SWT1: variants seen among roughly 807,000 people sequenced by gnomAD.
SWT1 encodes the protein transcriptional protein SWT1.
Under a neutral mutation model 107.3 loss-of-function variants are expected in SWT1, and 33 were observed. The observed-to-expected ratio is 0.31, with a 90% CI of 0.23 to 0.41. The LOEUF (loss-of-function observed/expected upper bound fraction) is 0.41, where lower values mean the gene tolerates loss of function less well. Ranked by LOEUF, SWT1 falls within the 10% of genes least tolerant of loss-of-function variation. The pLI is 1.00. For missense variants in SWT1, 898 were observed against 1,028.9 expected (o/e 0.87, Z 1.74); for synonymous variants, 345 against 348.3 (o/e 0.99, Z 0.11).
chr1:185,245,838 G>A (rs1311776951), intron 16 of SWT1, among the ~76,000 whole-genome samples: 1 of 150,928 alleles, frequency 6.6e-6, no homozygotes, highest in African/African-American at 2.4e-5. Flanking sequence ...GTGTGATCTC[G>A]GCTCACTGCA....
chr1:185,280,484 C>T (rs1483259812), intron 18 of SWT1, among the ~76,000 whole-genome samples: 1 of 152,096 alleles, frequency 6.6e-6, no homozygotes, highest in Non-Finnish European at 1.5e-5. Flanking sequence ...GGTTTCCTGA[C>T]ACAGAGCTCC....
intron 14 of SWT1, among the ~76,000 whole-genome samples, chr1:185,217,017 T>G (rs117439521): frequency 6.6e-6 from 1 of 151,804 alleles, no homozygotes; most frequent in South Asian, 2.1e-4. Context: ...TTATTTCTGG[T>G]TCTTAAGTTT....
chr1:185,161,559 G>A (rs537507252), intron 2 of SWT1, among the ~76,000 whole-genome samples: 154 of 151,946 alleles, frequency 1.0e-3, no homozygotes, highest in Non-Finnish European at 1.5e-3. Context: ...AAAGCCAGAC[G>A]TGATGGTGTG....
chr1:185,276,792 T>C, intron 18 of SWT1, 124 bp downstream of exon 18: 1 of 438,254 alleles, frequency 2.3e-6, no homozygotes, highest in Non-Finnish European at 4.2e-6. Flanking sequence ...TGTTTTTTTT[T>C]ACCTTACTAA....
chr1:185,236,935 A>G (rs1436848541), intron 16 of SWT1, among the ~76,000 whole-genome samples: 2 of 152,274 alleles, frequency 1.3e-5, no homozygotes, highest in African/African-American at 4.8e-5. Context: ...GAAGACATTT[A>G]TGCAGCCAAC....
intron 18 of SWT1, chr1:185,281,017 G>A: frequency 3.0e-6 from 1 of 333,418 alleles, no homozygotes; most frequent in Non-Finnish European, 6.0e-6. Flanking sequence ...CCCTTTTTAT[G>A]ATGATGACTA....
At chr1:185,221,738 T>C in intron 14 of SWT1, 111 bp from the exon 15 acceptor site, 3 of 656,934 alleles carry the variant, frequency 4.6e-6, no homozygotes, top group Non-Finnish European at 7.4e-6. Context: ...AGAAAAAGAA[T>C]TGCCACCACT....
Position 185,168,287 on chromosome 1 carries a change from A to G in SWT1, c.166-53A>G, listed in dbSNP as rs1042921999. 18 of 1,113,212 alleles carry G rather than the reference A, an allele frequency of 1.6e-5. 1 individual carries two copies. The highest frequency in any genetic ancestry group is 2.1e-5 in the Non-Finnish European group (17 of 822,392). The allele number at this position is 1,113,212 out of a possible 1,614,324, so 69.0% of individuals were successfully genotyped here. A position where few individuals can be genotyped will look rare whatever the true frequency, so the allele number is the denominator to read the frequency against. Reference sequence around the variant, plus strand: ...GCCTATTCACTATCATAAACTGTGGAAAAAAATATGTACCAGTGCACAATT... The same window carrying G: ...GCCTATTCACTATCATAAACTGTGGGAAAAAATATGTACCAGTGCACAATT... On this transcript the variant is annotated intron_variant, in intron 3 of 18. Transcript: ENST00000367500.
At chr1:185,165,203 C>T (rs866842950) in intron 2 of SWT1, among the ~76,000 whole-genome samples, 35 of 152,188 alleles carry the variant, frequency 2.3e-4, no homozygotes, top group African/African-American at 6.0e-4. Context: ...CAGTCTGTGG[C>T]GCCCCAAAGC....
In SWT1 at chr1:185,169,658, C is replaced by T. The variant is rs570870504; in HGVS notation, c.224+1260C>T. Among the ~76,000 whole-genome samples the T allele has an allele frequency of 2.6e-5, 4 of 152,022 alleles. No homozygotes were observed. In the South Asian group the frequency reaches 6.2e-4, roughly 24 times the overall value. ...CTGTATTCCCAGCACTTTGGGAGGC[C>T]GAGGTGGGAGGAAGGCTTGAGGCCA... is the stretch of plus-strand genomic sequence containing the variant. On this transcript the variant is annotated intron_variant, in intron 4 of 18. Transcript: ENST00000367500.
At chr1:185,170,195 T>C (rs929195930) in intron 4 of SWT1, among the ~76,000 whole-genome samples, 1 of 152,344 alleles carries the variant, frequency 6.6e-6, no homozygotes, top group Admixed American at 6.5e-5. Flanking sequence ...AGGCAAGCTC[T>C]TTTAAAAACC....
At chr1:185,264,892 A>C (rs544496342) in intron 16 of SWT1, among the ~76,000 whole-genome samples, 1 of 152,268 alleles carries the variant, frequency 6.6e-6, no homozygotes, top group South Asian at 2.1e-4. Flanking sequence ...GTATATTCTA[A>C]TTGTATGTAT....
intron 10 of SWT1, among the ~76,000 whole-genome samples, chr1:185,196,365 A>G (rs1205215292): frequency 1.3e-5 from 2 of 152,208 alleles, no homozygotes; most frequent in Non-Finnish European, 2.9e-5. Context: ...TGGTACCAGT[A>G]CCATACTGTT....
At chr1:185,276,928 C>G (rs902542582) in intron 18 of SWT1, among the ~76,000 whole-genome samples, 1 of 152,046 alleles carries the variant, frequency 6.6e-6, no homozygotes, top group African/African-American at 2.4e-5. Context: ...TCGAAGATCC[C>G]AAAGAGCTTT....
At chr1:185,223,204 G>T (rs776611346) in intron 15 of SWT1, among the ~76,000 whole-genome samples, 3 of 152,066 alleles carry the variant, frequency 2.0e-5, no homozygotes, top group Non-Finnish European at 4.4e-5. Flanking sequence ...GCACATCATT[G>T]CCAACACTTG....
intron 16 of SWT1, among the ~76,000 whole-genome samples, chr1:185,254,866 G>C (rs1207750217): frequency 2.0e-5 from 3 of 151,874 alleles, no homozygotes; most frequent in Non-Finnish European, 4.4e-5. Context: ...TTTTAATTGT[G>C]ATGTTAGGGT....
rs773845100 is a variant in SWT1 at position 185,204,700 on chromosome 1, A to G, written c.1670A>G (p.Glu557Gly). The G allele has an allele frequency of 6.4e-7, 1 of 1,559,952 alleles. No homozygotes were observed. Among genetic ancestry groups the G allele is most frequent in the South Asian group, 1.2e-5 (1 of 80,604 alleles). ...AAGTCTGTAACTATTTGTTTTAAAG[A>G]AACAACACCCTTGAAAGAGAGCTAT... ...PCIPKQQLKA[E>G]TTPLKESYKE... Residue 557 changes from glutamate (E) to glycine (G), a missense_variant and splice_region_variant, in exon 12 of 19, where the codon GAA (glutamate) becomes GGA (glycine). This residue lies in a region of SWT1 where 382 missense variants were observed against 460.0 expected (regional missense o/e 0.83). Transcript: ENST00000367500.
At chr1:185,216,840 T>A (rs1332355988) in intron 14 of SWT1, among the ~76,000 whole-genome samples, 1 of 151,580 alleles carries the variant, frequency 6.6e-6, no homozygotes, top group Non-Finnish European at 1.5e-5. Flanking sequence ...TAGTCCCAGC[T>A]ACTTGGGAGG....
chr1:185,265,281 A>T (rs867327920), intron 16 of SWT1, among the ~76,000 whole-genome samples: 125 of 152,306 alleles, frequency 8.2e-4, no homozygotes, highest in African/African-American at 2.8e-3. Flanking sequence ...CACCATTTTA[A>T]CTATATATGG....
Sources: allele counts gnomAD v4.1 joint callset (sites outside exome capture counted in the v4.1 genomes callset), GRCh38; gene constraint gnomAD v4.1.1; regional missense constraint gnomAD v4.1.1; transcripts MANE v1.5; gene names NCBI Gene and HGNC (gene_info 2026-07-23, HGNC 2026-07-21).